PHF6: variants seen among roughly 807,000 people sequenced by gnomAD.
The protein encoded by PHF6 is PHD finger protein 6, also known as PHD-like zinc finger protein.
A neutral mutation model predicts 34.0 loss-of-function variants in PHF6; 7 were observed. That is an observed-to-expected ratio of 0.21 (90% CI 0.12 to 0.39). The LOEUF (loss-of-function observed/expected upper bound fraction) is 0.39. Among genes scored for constraint, PHF6 ranks in the 10% least tolerant of loss-of-function variants. The probability of loss-of-function intolerance (pLI) is 1.00; values close to 1 mark genes in which losing one functional copy is unlikely to be tolerated. For missense variants in PHF6, 128 were observed against 262.8 expected, an observed-to-expected ratio of 0.49 and a Z score of 3.55; for synonymous variants, 89 against 88.4, an observed-to-expected ratio of 1.01 and a Z score of -0.04.
At chrX:134,395,654 C>T (rs755656971) in intron 5 of PHF6, among the ~76,000 whole-genome samples, 3 of 111,939 alleles carry the variant, frequency 2.7e-5, no homozygotes, top group Admixed American at 1.9e-4. Context: ...GAAGCTGTTT[C>T]TTTTATGAAG....
In PHF6 at chrX:134,426,986, T is replaced by C. The variant is rs1325962979; in HGVS notation, c.*1326T>C. ...ATAATAATGTTAACTTGACTGTACATTGAGATATTCTGCAGCTGATAGAGC... is the reference window on the plus strand; with the variant it reads ...ATAATAATGTTAACTTGACTGTACACTGAGATATTCTGCAGCTGATAGAGC... On this transcript the variant is annotated 3_prime_UTR_variant, in exon 11 of 11. Transcript: ENST00000370803. 1.8e-5 allele frequency: 3 copies of C among 163,232 alleles called. No homozygotes were observed. Among genetic ancestry groups the C allele is most frequent in the African/African-American group, 9.0e-5 (3 of 33,311 alleles). 13.5% of individuals were successfully genotyped at this position (163,232 alleles called of 1,213,427 possible).
At chrX:134,420,733 C>A (rs767307297) in intron 9 of PHF6, among the ~76,000 whole-genome samples, 1 of 110,577 alleles carries the variant, frequency 9.0e-6, no homozygotes, top group African/African-American at 3.3e-5. Context: ...GCTGGGACTA[C>A]AGGCACACGT....
chrX:134,411,016 G>C (rs761633427), intron 5 of PHF6, among the ~76,000 whole-genome samples: 1 of 105,867 alleles, frequency 9.4e-6, no homozygotes, highest in African/African-American at 3.5e-5. Context: ...GCAGTGGCGC[G>C]ATCTGGGCTT....
At chrX:134,410,279 T>A (rs910058774) in intron 5 of PHF6, among the ~76,000 whole-genome samples, 1 of 112,034 alleles carries the variant, frequency 8.9e-6, no homozygotes, top group Non-Finnish European at 1.9e-5. Flanking sequence ...CATTCCCTTT[T>A]CTCCACAGCC....
intron 9 of PHF6, among the ~76,000 whole-genome samples, chrX:134,420,727 G>A (rs1395113359): frequency 3.6e-5 from 4 of 110,338 alleles, no homozygotes; most frequent in Non-Finnish European, 7.6e-5. Flanking sequence ...CAAGTAGCTG[G>A]GACTACAGGC....
intron 6 of PHF6, 26 bp downstream of exon 6, chrX:134,413,683 T>C: frequency 1.7e-6 from 2 of 1,202,711 alleles, no homozygotes; most frequent in Non-Finnish European, 2.3e-6. Flanking sequence ...TGTTGGATTC[T>C]TACTTTTGTT....
chrX:134,394,619 C>G (rs2077369238), intron 5 of PHF6, among the ~76,000 whole-genome samples: 2 of 107,330 alleles, frequency 1.9e-5, no homozygotes, highest in Non-Finnish European at 3.9e-5. Context: ...TGGCTCACTG[C>G]AAGCTCCGCC....
At chrX:134,384,764 G>T (rs373825455) in intron 3 of PHF6, among the ~76,000 whole-genome samples, 15 of 109,321 alleles carry the variant, frequency 1.4e-4, no homozygotes, top group African/African-American at 5.0e-4. Flanking sequence ...CCATTCTCCT[G>T]CCTCAGCCTC....
intron 3 of PHF6, among the ~76,000 whole-genome samples, chrX:134,385,020 A>G (rs2077325905): frequency 9.0e-6 from 1 of 111,425 alleles, no homozygotes; most frequent in Non-Finnish European, 1.9e-5. Context: ...TACTACTGGT[A>G]GTTACTTGAT....
chrX:134,413,756 A>G, intron 6 of PHF6, 67 bp from the exon 7 acceptor site: 1 of 1,195,317 alleles, frequency 8.4e-7, no homozygotes. Context: ...ATGTTAAGTA[A>G]GCTTGAAATA....
At chrX:134,394,412 G>T (rs750995348) in intron 5 of PHF6, among the ~76,000 whole-genome samples, 1 of 111,391 alleles carries the variant, frequency 9.0e-6, no homozygotes, top group African/African-American at 3.3e-5. Context: ...GATTACAGGC[G>T]TGAGCCATCG....
chrX:134,393,343 C>T (rs1317608756), intron 3 of PHF6, among the ~76,000 whole-genome samples, 158 bp from the exon 4 acceptor site: 1 of 112,008 alleles, frequency 8.9e-6, no homozygotes, highest in African/African-American at 3.2e-5. Flanking sequence ...AATTTTATTC[C>T]GGTTATTCTA....
intron 5 of PHF6, among the ~76,000 whole-genome samples, chrX:134,396,922 C>A (rs1012796130): frequency 9.1e-5 from 10 of 109,335 alleles, no homozygotes; most frequent in African/African-American, 3.3e-4. Context: ...GCACTAGTCT[C>A]CAGAACAAAG....
rs902101675 is a variant in PHF6, at chrX:134,411,154, G to A, written c.419-2337G>A. 3.6e-5 allele frequency among the ~76,000 whole-genome samples: 4 copies of A among 110,298 alleles called. No individual in the cohort carries two copies. The East Asian group carries it at 8.5e-4, about 24-fold the overall frequency. ...TTTAGTGGAGATGGGGTTTTTCCAT[G>A]TTAGTCAGGTTGGTCTCGAATTCCC... On this transcript the variant is annotated intron_variant, in intron 5 of 10. Transcript: ENST00000370803.
intron 1 of PHF6, among the ~76,000 whole-genome samples, chrX:134,374,293 C>G (rs141001997): frequency 2.7e-5 from 3 of 112,069 alleles, no homozygotes; most frequent in Middle Eastern, 4.6e-3. Flanking sequence ...CGCCTTACTA[C>G]CTAATGTCAG....
At chrX:134,415,598 A>G in intron 8 of PHF6, among the ~76,000 whole-genome samples, 1 of 112,490 alleles carries the variant, frequency 8.9e-6, no homozygotes. Flanking sequence ...ATTACCAACA[A>G]GTAGCTCTAA....
chrX:134,377,138 C>G, intron 1 of PHF6, among the ~76,000 whole-genome samples: 1 of 111,736 alleles, frequency 8.9e-6, no homozygotes, highest in Middle Eastern at 4.6e-3. Context: ...GTACATTTCT[C>G]TCCACACAGA....
Position 134,428,556 on chromosome X carries a change from A to G in PHF6, c.*2896A>G, listed in dbSNP as rs1408010892. 1 of 156,225 alleles carries G rather than the reference A, an allele frequency of 6.4e-6. No homozygotes were observed. The highest frequency in any genetic ancestry group is 1.3e-5 in the Non-Finnish European group (1 of 79,066). 12.9% of individuals were successfully genotyped at this position (156,225 alleles called of 1,213,427 possible). ...TGTTCTAGAGTGTTGTTGCTTTTTT[A>G]AAAAAAGCGCTGAAGTTAGACCAAG... On this transcript the variant is annotated 3_prime_UTR_variant, in exon 11 of 11. Coordinates refer to ENST00000370803, the MANE Select transcript of PHF6 (RefSeq NM_001015877.2).
intron 5 of PHF6, among the ~76,000 whole-genome samples, chrX:134,396,109 G>T (rs1022280157): frequency 3.6e-5 from 4 of 111,229 alleles, no homozygotes; most frequent in African/African-American, 9.8e-5. Flanking sequence ...GTGTATTTAT[G>T]GGGTACATGA....
Sources: gnomAD v4.1 joint callset for allele counts (sites outside exome capture counted in the v4.1 genomes callset) on GRCh38, gnomAD v4.1.1 for gene constraint, MANE v1.5 for transcripts, NCBI Gene and HGNC (gene_info 2026-07-23, HGNC 2026-07-21) for gene names.